MAP3K15: variants seen among roughly 807,000 people sequenced by gnomAD.
MAP3K15 encodes the protein mitogen-activated protein kinase kinase kinase 15.
A neutral mutation model predicts 99.5 loss-of-function variants in MAP3K15; 124 were observed. The observed-to-expected ratio is 1.25, with a 90% CI of 1.08 to 1.45. MAP3K15 has a LOEUF of 1.45. Among genes scored for constraint, MAP3K15 ranks in the 40% most tolerant of loss-of-function variants. MAP3K15 has a pLI of 0.00. For synonymous variants in MAP3K15, 494 were observed against 439.6 expected (o/e 1.12, Z -1.55); for missense variants, 1,242 against 1,079.7 (o/e 1.15, Z -2.11).
In MAP3K15 at chrX:19,362,654, C is replaced by G. The variant is rs1343966645; in HGVS notation, c.3679+84G>C. 3.1e-5 allele frequency: 18 copies of G among 581,985 alleles called. No homozygotes were observed. In the African/African-American group the frequency reaches 3.4e-4, roughly 11 times the overall value. The allele number at this position is 581,985 out of a possible 1,213,427, so 48.0% of individuals were successfully genotyped here. On this transcript the variant is annotated intron_variant, in intron 26 of 28. Transcript: ENST00000338883. ...AGAATCTACTGGAGTCCTGGATTAA[C>G]AGAAGATAACCTCAAATGTTTCTTC...
chrX:19,480,817 CAAA>C (rs779759257), intron 3 of MAP3K15, among the ~76,000 whole-genome samples: 2 of 73,110 alleles, frequency 2.7e-5, no homozygotes, highest in Non-Finnish European at 2.6e-5. Context: ...AACTCTGTCT[CAAA>C]AAAAAAAAAA....
chrX:19,380,180 C>T lies in MAP3K15; in HGVS notation c.2529G>A (p.Glu843=), dbSNP rs1369206461. The T allele has an allele frequency of 8.3e-7, 1 of 1,205,093 alleles. No homozygotes were observed. The highest frequency in any genetic ancestry group is 1.8e-5 in the South Asian group (1 of 55,402). The change falls in exon 19 of 29, where the codon GAG becomes GAA. Residue 843 remains glutamate, a synonymous_variant. Coordinates refer to ENST00000338883, the MANE Select transcript of MAP3K15 (RefSeq NM_001001671.4). Reference sequence around the variant, plus strand: ...GGAACGGAGGCTTGCTGGTGGCCATCTCAATGATGGTGCAGCCCAGGGACC... The same window carrying T: ...GGAACGGAGGCTTGCTGGTGGCCATTTCAATGATGGTGCAGCCCAGGGACC... ...DIWSLGCTII[E]MATSKPPFHE...
chrX:19,490,180 C>CACACATAT (rs1555966360), intron 1 of MAP3K15, among the ~76,000 whole-genome samples: 30 of 95,117 alleles, frequency 3.2e-4, no homozygotes, highest in African/African-American at 1.1e-3. Flanking sequence ...CACACACACA[C>CACACATAT]ACACATACAT....
At position 19,360,659 on chromosome X, in the gene MAP3K15, AAC is replaced by A. The variant is rs2063272066; in HGVS notation, c.*88_*89del. Reference sequence around the variant, plus strand: ...GAACAATGGCATTTTTAAATATGTAAACACAGCGGAATTCGTGTATACACTAA... The same window carrying A: ...GAACAATGGCATTTTTAAATATGTAAACAGCGGAATTCGTGTATACACTAA... On this transcript the variant is annotated 3_prime_UTR_variant, in exon 29 of 29. Coordinates refer to ENST00000338883, the MANE Select transcript of MAP3K15 (RefSeq NM_001001671.4). 3.0e-5 allele frequency: 20 copies of A among 674,643 alleles called. No individual in the cohort carries two copies. In the South Asian group the frequency reaches 4.1e-4, roughly 14 times the overall value. The allele number at this position is 674,643 out of a possible 1,213,427, so 55.6% of individuals were successfully genotyped here.
Position 19,515,078 on chromosome X carries a change from G to T in MAP3K15, c.184C>A (p.Arg62=), listed in dbSNP as rs983940736. 64 of 906,909 alleles carry T rather than the reference G, an allele frequency of 7.1e-5. No homozygotes were observed. The highest frequency in any genetic ancestry group is 8.1e-5 in the Non-Finnish European group (57 of 703,933). The allele number at this position is 906,909 out of a possible 1,213,427, so 74.7% of individuals were successfully genotyped here. ...ESGGGPRRAL[R]AVYVRSESSQ... ...CTCTCACTGCGCACGTATACTGCCCGCAGAGCCCGCCGCGGCCCGCCCCCA... is the reference window on the plus strand; with the variant it reads ...CTCTCACTGCGCACGTATACTGCCCTCAGAGCCCGCCGCGGCCCGCCCCCA... The change falls in exon 1 of 29, where the codon CGG becomes AGG. Residue 62 remains arginine (R), a synonymous_variant. Transcript: ENST00000338883.
intron 1 of MAP3K15, among the ~76,000 whole-genome samples, chrX:19,495,800 G>T (rs981292345): frequency 9.0e-6 from 1 of 111,171 alleles, no homozygotes; most frequent in Non-Finnish European, 1.9e-5. Flanking sequence ...GCATGATACT[G>T]CAAGCTAGAC....
chrX:19,470,079 C>T (rs887140040), intron 3 of MAP3K15, among the ~76,000 whole-genome samples: 1 of 111,959 alleles, frequency 8.9e-6, no homozygotes, highest in Non-Finnish European at 1.9e-5. Flanking sequence ...ATAAACCATG[C>T]TGCTATAAAG....
intron 5 of MAP3K15, among the ~76,000 whole-genome samples, chrX:19,458,100 C>A (rs2064106905): frequency 8.9e-6 from 1 of 112,166 alleles, no homozygotes; most frequent in Non-Finnish European, 1.9e-5. Context: ...TTGCTGACAG[C>A]CAGCCATGGT....
At chrX:19,479,769 G>A (rs1346511328) in intron 3 of MAP3K15, among the ~76,000 whole-genome samples, 2 of 111,842 alleles carry the variant, frequency 1.8e-5, no homozygotes, top group Non-Finnish European at 3.8e-5. Context: ...ATATAAACAT[G>A]TTTTCTCTAA....
intron 1 of MAP3K15, chrX:19,497,544 C>T (rs2064414489): frequency 1.8e-5 from 2 of 112,008 alleles, no homozygotes; most frequent in African/African-American, 3.2e-5. Context: ...TCATTGTGAA[C>T]ATCAAAATGG....
At chrX:19,376,424 C>T (rs779205750) in intron 19 of MAP3K15, among the ~76,000 whole-genome samples, 63 of 110,011 alleles carry the variant, frequency 5.7e-4, no homozygotes, top group African/African-American at 2.0e-3. Flanking sequence ...GTCTTCTGAG[C>T]ATGTGTGTCC....
intron 25 of MAP3K15, 113 bp from the exon 26 acceptor site, chrX:19,362,963 G>C: frequency 2.2e-6 from 1 of 450,166 alleles, no homozygotes; most frequent in South Asian, 3.5e-5. Context: ...ATGGAAAATG[G>C]GACAAGTCTA....
At chrX:19,386,266 G>A (rs1294948395) in intron 18 of MAP3K15, among the ~76,000 whole-genome samples, 1 of 111,319 alleles carries the variant, frequency 9.0e-6, no homozygotes, top group East Asian at 2.8e-4. Flanking sequence ...GACCAGCCTG[G>A]CCAACATGGT....
At chrX:19,480,668 A>AC (rs2064282312) in intron 3 of MAP3K15, among the ~76,000 whole-genome samples, 2 of 104,760 alleles carry the variant, frequency 1.9e-5, no homozygotes, top group Non-Finnish European at 3.9e-5. Flanking sequence ...AAAAAAAAAA[A>AC]AAAAAAAATT....
chrX:19,455,493 C>T (rs2064085925), intron 6 of MAP3K15, among the ~76,000 whole-genome samples: 2 of 101,312 alleles, frequency 2.0e-5, no homozygotes, highest in African/African-American at 7.3e-5. Flanking sequence ...ACTACAAGCA[C>T]AAGCCATCAT....
intron 1 of MAP3K15, among the ~76,000 whole-genome samples, chrX:19,507,541 G>A (rs1374703479): frequency 2.6e-5 from 2 of 76,964 alleles, no homozygotes; most frequent in African/African-American, 1.1e-4. Context: ...TCGCGCTACT[G>A]CACTCCAGCC....
chrX:19,418,044 G>A (rs764166849), intron 9 of MAP3K15, among the ~76,000 whole-genome samples: 91 of 111,600 alleles, frequency 8.2e-4, no homozygotes, highest in African/African-American at 2.8e-3. Context: ...CCATCTGTAC[G>A]TCACCTTCAT....
At chrX:19,385,601 A>G (rs991827769) in intron 18 of MAP3K15, among the ~76,000 whole-genome samples, 5 of 111,143 alleles carry the variant, frequency 4.5e-5, no homozygotes, top group Non-Finnish European at 7.5e-5. Context: ...TTGTCTCCAC[A>G]TAGCCTTGTC....
intron 1 of MAP3K15, among the ~76,000 whole-genome samples, chrX:19,511,573 A>G (rs1265351292): frequency 8.0e-5 from 9 of 112,454 alleles, no homozygotes; most frequent in Non-Finnish European, 1.7e-4. Flanking sequence ...AAAAAAACCC[A>G]TCAATACTAG....
Sources: gnomAD v4.1 joint callset for allele counts (sites outside exome capture counted in the v4.1 genomes callset) on GRCh38, gnomAD v4.1.1 for gene constraint, MANE v1.5 for transcripts, NCBI Gene and HGNC (gene_info 2026-07-23, HGNC 2026-07-21) for gene names.